The following FBLN7 variants were observed in gnomAD, a reference collection of about 807,000 sequenced individuals.
The protein encoded by FBLN7 is fibulin-7.
A neutral mutation model predicts 44.0 loss-of-function variants in FBLN7; 31 were observed. The ratio of observed to expected loss-of-function variants is 0.70; its 90% CI spans 0.53 to 0.95. The LOEUF (loss-of-function observed/expected upper bound fraction) is 0.95, where lower values mean the gene tolerates loss of function less well. Among genes scored for constraint, FBLN7 ranks in the 40% least tolerant of loss-of-function variants. The probability of loss-of-function intolerance (pLI) is 0.00; values close to 1 mark genes in which losing one functional copy is unlikely to be tolerated. For missense variants in FBLN7, 573 were observed against 618.5 expected, an observed-to-expected ratio of 0.93 and a Z score of 0.78; for synonymous variants, 262 against 253.4, an observed-to-expected ratio of 1.03 and a Z score of -0.32.
chr2:112,193,016 G>A (rs1052309937), downstream of FBLN7, among the ~76,000 whole-genome samples: 5 of 152,180 alleles, frequency 3.3e-5, no homozygotes, highest in Non-Finnish European at 7.4e-5. Context: ...AGCAGTGAAA[G>A]GTGTTTGTCA....
chr2:112,202,165 GGT>G, the FBLN7 span, among the ~76,000 whole-genome samples: 121 of 152,220 alleles, frequency 7.9e-4, no homozygotes, highest in Non-Finnish European at 1.6e-3. Context: ...ATGGAGTAAA[GGT>G]CCCAAATTCT....
At chr2:112,152,884 CTCTT>C (rs1173317416) in intron 1 of FBLN7, 2 of 152,208 alleles carry the variant, frequency 1.3e-5, no homozygotes, top group African/African-American at 4.8e-5. Context: ...CTTAAAATCT[CTCTT>C]TCTCTCTCCA....
At chr2:112,243,454 C>T in the FBLN7 span, among the ~76,000 whole-genome samples, 20 of 152,104 alleles carry the variant, frequency 1.3e-4, no homozygotes, top group African/African-American at 4.3e-4. Context: ...CCATCTGTAG[C>T]GAAAAGACAT....
the FBLN7 span, among the ~76,000 whole-genome samples, chr2:112,228,323 G>T: frequency 6.6e-6 from 1 of 152,056 alleles, no homozygotes; most frequent in Non-Finnish European, 1.5e-5. Context: ...CCAACATAGT[G>T]AAAGCCTGTC....
intron 1 of FBLN7, among the ~76,000 whole-genome samples, chr2:112,149,288 G>T (rs1043458130): frequency 3.9e-5 from 6 of 152,200 alleles, no homozygotes; most frequent in Non-Finnish European, 8.8e-5. Context: ...ACCATGGCCC[G>T]CTGGGAAAGG....
chr2:112,183,061 C>A, intron 6 of FBLN7, 133 bp downstream of exon 6: 4 of 1,181,338 alleles, frequency 3.4e-6, no homozygotes, highest in Non-Finnish European at 3.5e-6. Flanking sequence ...AAAAAGCCAC[C>A]AACCAAAGGG....
the FBLN7 span, among the ~76,000 whole-genome samples, chr2:112,217,471 TTA>T: frequency 6.6e-6 from 1 of 152,248 alleles, no homozygotes; most frequent in Non-Finnish European, 1.5e-5. Context: ...AATGAACTTT[TTA>T]TACTGTTACA....
chr2:112,185,090 C>T (rs2104610040), intron 6 of FBLN7, 111 bp from the exon 7 acceptor site: 1 of 1,393,876 alleles, frequency 7.2e-7, no homozygotes, highest in South Asian at 1.5e-5. Flanking sequence ...GAATAAGTGC[C>T]AGGAGCAGGG....
At chr2:112,175,642 T>C (rs2104592003) in intron 3 of FBLN7, 72 bp from the exon 4 acceptor site, 3 of 1,568,238 alleles carry the variant, frequency 1.9e-6, no homozygotes, top group East Asian at 4.5e-5. Flanking sequence ...TAACCCTTCA[T>C]CAGTTTTTTA....
the FBLN7 span, among the ~76,000 whole-genome samples, chr2:112,216,911 G>T: frequency 6.6e-6 from 1 of 152,064 alleles, no homozygotes. Context: ...AAGAAACACA[G>T]TAACAATAAA....
intron 3 of FBLN7, among the ~76,000 whole-genome samples, chr2:112,166,793 G>A (rs1379301048): frequency 2.0e-5 from 3 of 152,106 alleles, no homozygotes; most frequent in Non-Finnish European, 4.4e-5. Flanking sequence ...GGTCTACTCC[G>A]CACTTTCAGG....
chr2:112,217,200 T>A, the FBLN7 span, among the ~76,000 whole-genome samples: 1 of 151,964 alleles, frequency 6.6e-6, no homozygotes, highest in Non-Finnish European at 1.5e-5. Flanking sequence ...GAAACCCCAC[T>A]TCTACCAAAA....
At chr2:112,142,985 T>C (rs572594165) in intron 1 of FBLN7, among the ~76,000 whole-genome samples, 2 of 152,268 alleles carry the variant, frequency 1.3e-5, no homozygotes, top group African/African-American at 4.8e-5. Flanking sequence ...TGATTGTGTA[T>C]GTGTTACAGG....
At position 112,176,170 on chromosome 2, in the gene FBLN7, C is replaced by T. The variant is rs1287755892; in HGVS notation, c.532+331C>T. ...ACCTTTGCTTGGTCAGCATTTCTTA[C>T]GCCAGCAGAACCACCTTTTCTTTCC... is the stretch of plus-strand genomic sequence containing the variant. On this transcript the variant is annotated intron_variant, in intron 4 of 7. Coordinates refer to ENST00000331203, the MANE Select transcript of FBLN7 (RefSeq NM_153214.3). 2.5e-5 allele frequency: 5 copies of T among 201,746 alleles called. No individual in the cohort carries two copies. In the East Asian group the frequency reaches 3.5e-4, roughly 14 times the overall value. The allele number at this position is 201,746 out of a possible 1,614,324, so 12.5% of individuals were successfully genotyped here.
At chr2:112,234,753 T>C in the FBLN7 span, among the ~76,000 whole-genome samples, 17 of 151,658 alleles carry the variant, frequency 1.1e-4, no homozygotes, top group South Asian at 3.1e-3. Flanking sequence ...TGAGCCAAGA[T>C]TGCACCACTG....
At chr2:112,172,318 C>G (rs1682505554) in intron 3 of FBLN7, among the ~76,000 whole-genome samples, 2 of 152,144 alleles carry the variant, frequency 1.3e-5, no homozygotes, top group African/African-American at 2.4e-5. Context: ...CCATCCTTAT[C>G]TGATGTCTGT....
chr2:112,164,884 G>A lies in FBLN7; in HGVS notation c.236-117G>A, dbSNP rs367836830. ...TGCAGAATGACCAGCACAGTGCACA[G>A]CCTGCAGCAGGCATGCAACAGAGGG... is the stretch of plus-strand genomic sequence containing the variant. On this transcript the variant is annotated intron_variant, in intron 2 of 7. Transcript: ENST00000331203. 8.1e-6 allele frequency: 9 copies of A among 1,115,672 alleles called. No homozygotes were observed. The African/African-American group carries it at 1.2e-4, about 15-fold the overall frequency. The allele number at this position is 1,115,672 out of a possible 1,614,324, so 69.1% of individuals were successfully genotyped here. A position where few individuals can be genotyped will look rare whatever the true frequency, so the allele number is the denominator to read the frequency against.
At chr2:112,148,489 C>A (rs1680994204) in intron 1 of FBLN7, among the ~76,000 whole-genome samples, 1 of 152,212 alleles carries the variant, frequency 6.6e-6, no homozygotes, top group African/African-American at 2.4e-5. Flanking sequence ...GCACTGGGAA[C>A]AAAACAGACA....
At chr2:112,171,675 C>T (rs924908460) in intron 3 of FBLN7, among the ~76,000 whole-genome samples, 1 of 152,138 alleles carries the variant, frequency 6.6e-6, no homozygotes, top group African/African-American at 2.4e-5. Flanking sequence ...ACATCCAAGT[C>T]GCACATATTC....
Sources: gnomAD v4.1 joint callset for allele counts (sites outside exome capture counted in the v4.1 genomes callset) on GRCh38, gnomAD v4.1.1 for gene constraint, MANE v1.5 for transcripts, NCBI Gene and HGNC (gene_info 2026-07-23, HGNC 2026-07-21) for gene names.